Variants in NAA25 observed in about 807,000 individuals in gnomAD.
NAA25 encodes N-alpha-acetyltransferase 25, NatB auxiliary subunit.
In NAA25, 30 loss-of-function variants were observed where a neutral mutation model predicts 132.5. That is an observed-to-expected ratio of 0.23 (90% CI 0.17 to 0.31). The LOEUF (loss-of-function observed/expected upper bound fraction) is 0.31. NAA25 is among the 10% of genes least tolerant of loss of function. The probability of loss-of-function intolerance (pLI) is 1.00; values close to 1 mark genes in which losing one functional copy is unlikely to be tolerated. For missense variants in NAA25, 771 were observed against 1,150.4 expected (o/e 0.67, Z 4.77); for synonymous variants, 359 against 401.9 (o/e 0.89, Z 1.28).
intron 7 of NAA25, among the ~76,000 whole-genome samples, chr12:112,076,429 T>C (rs1358342234): frequency 6.6e-6 from 1 of 152,096 alleles, no homozygotes; most frequent in Non-Finnish European, 1.5e-5. Flanking sequence ...ATTTAGTCCA[T>C]AGACAAGCTG....
At chr12:112,090,650 C>T in intron 3 of NAA25, 76 bp downstream of exon 3, 1 of 1,471,656 alleles carries the variant, frequency 6.8e-7, no homozygotes, top group Non-Finnish European at 9.3e-7. Flanking sequence ...AGTGAGAAAT[C>T]AGACAAGGGC....
At chr12:112,068,247 A>G (rs1023075000) in intron 11 of NAA25, among the ~76,000 whole-genome samples, 2 of 152,078 alleles carry the variant, frequency 1.3e-5, no homozygotes, top group Admixed American at 6.6e-5. Flanking sequence ...AAGATGGAAA[A>G]CATAATAGCT....
rs1397478682 is a variant in NAA25 at position 112,075,711 on chromosome 12, C to T, written c.743G>A (p.Cys248Tyr). The T allele has an allele frequency of 1.2e-6, 2 of 1,613,908 alleles. No individual in the cohort carries two copies. Among genetic ancestry groups the T allele is most frequent in the Non-Finnish European group, 1.7e-6 (2 of 1,179,854 alleles). The change falls in exon 8 of 24, where the codon TGC becomes TAC. Residue 248 changes from cysteine (C) to tyrosine (Y), a missense_variant. Coordinates refer to ENST00000261745, the MANE Select transcript of NAA25 (RefSeq NM_024953.4). ...MYKKLSRWPE[C>Y]NALSRRLLLK... ...TAAGAGGCGCCGGGAAAGGGCATTG[C>T]ACTCTGGCCACCTGCTCAGCTTCTT...
chr12:112,081,038 C>T (rs2078966857), intron 5 of NAA25, 22 bp downstream of exon 5: 1 of 1,582,818 alleles, frequency 6.3e-7, no homozygotes, highest in Non-Finnish European at 8.7e-7. Flanking sequence ...AACCTCAATC[C>T]CATTCTGAAT....
intron 4 of NAA25, among the ~76,000 whole-genome samples, chr12:112,087,104 C>A (rs890479472): frequency 6.6e-6 from 1 of 151,914 alleles, no homozygotes; most frequent in Non-Finnish European, 1.5e-5. Flanking sequence ...TAGCTTTACC[C>A]GCAACCTAAT....
chr12:112,068,743 T>C (rs10459143), intron 11 of NAA25, 137 bp downstream of exon 11: 1 of 551,192 alleles, frequency 1.8e-6, no homozygotes, highest in East Asian at 2.9e-5. Context: ...CATAGAGTAC[T>C]TAGCTTGACA....
chr12:112,059,179 T>G (rs1269588135), intron 13 of NAA25, among the ~76,000 whole-genome samples: 1 of 137,356 alleles, frequency 7.3e-6, no homozygotes, highest in African/African-American at 2.7e-5. Flanking sequence ...GGCTAAGGCA[T>G]GAGAATCGCT....
rs1309960494 is a variant in NAA25, at chr12:112,028,675, A to AT, written c.*855dup. ...ATATATGACTCACAAAACCAATGAA[A>AT]TAAGTATCATACTTGCCTGCATAAA... On this transcript the variant is annotated 3_prime_UTR_variant, in exon 24 of 24. Coordinates refer to ENST00000261745, the MANE Select transcript of NAA25 (RefSeq NM_024953.4). 6.6e-6 allele frequency: 1 copy of AT among 152,108 alleles called. No homozygotes were observed. The highest frequency in any genetic ancestry group is 1.5e-5 in the Non-Finnish European group (1 of 68,030). The allele number at this position is 152,108 out of a possible 1,614,324, so 9.4% of individuals were successfully genotyped here.
intron 22 of NAA25, 65 bp downstream of exon 22, chr12:112,039,164 G>A: frequency 9.9e-7 from 1 of 1,010,382 alleles, no homozygotes; most frequent in Non-Finnish European, 1.5e-6. Context: ...GAGGAAAACA[G>A]TGAAAAGAAA....
chr12:112,040,674 T>C, intron 20 of NAA25, 96 bp from the exon 21 acceptor site: 1 of 679,368 alleles, frequency 1.5e-6, no homozygotes. Flanking sequence ...AATAAAAATT[T>C]AATTTAGAAA....
At chr12:112,088,690 G>A (rs979244629) in intron 3 of NAA25, among the ~76,000 whole-genome samples, 7 of 150,160 alleles carry the variant, frequency 4.7e-5, no homozygotes, top group African/African-American at 1.2e-4. Context: ...GTGCGATCTC[G>A]GCTCACTGAA....
intron 17 of NAA25, among the ~76,000 whole-genome samples, chr12:112,044,612 G>A (rs1169022104): frequency 6.6e-6 from 1 of 152,036 alleles, no homozygotes; most frequent in Non-Finnish European, 1.5e-5. Flanking sequence ...GGAGCTTGCA[G>A]TGAGCCAAGA....
intron 3 of NAA25, 115 bp from the exon 4 acceptor site, chr12:112,087,916 G>C (rs2079077594): frequency 1.5e-6 from 1 of 679,042 alleles, no homozygotes; most frequent in Non-Finnish European, 2.5e-6. Flanking sequence ...AGAAGTATCT[G>C]CTTTGCCTCA....
chr12:112,069,890 G>T (rs1439675767), intron 10 of NAA25, among the ~76,000 whole-genome samples: 1 of 152,012 alleles, frequency 6.6e-6, no homozygotes, highest in Non-Finnish European at 1.5e-5. Context: ...CACTTCGGGA[G>T]GCCAAGGTAG....
chr12:112,077,428 G>A (rs975335920), intron 7 of NAA25, among the ~76,000 whole-genome samples: 5 of 150,442 alleles, frequency 3.3e-5, no homozygotes, highest in South Asian at 4.2e-4. Context: ...AGCCGAGATC[G>A]CACCACTGCA....
At chr12:112,101,729 C>T (rs1593843101) in intron 1 of NAA25, among the ~76,000 whole-genome samples, 1 of 151,564 alleles carries the variant, frequency 6.6e-6, no homozygotes, top group East Asian at 2.0e-4. Context: ...TGCACTCCAG[C>T]CCAGGTGACA....
rs543551152 is a variant in NAA25 at position 112,049,522 on chromosome 12, G to A, written c.1729-1079C>T. The A allele has an allele frequency of 3.4e-4, 331 of 985,834 alleles. No individual in the cohort carries two copies. The highest frequency in any genetic ancestry group is 3.9e-4 in the Non-Finnish European group (326 of 829,946). The allele number at this position is 985,834 out of a possible 1,614,324, so 61.1% of individuals were successfully genotyped here. On this transcript the variant is annotated intron_variant, in intron 15 of 23. Transcript: ENST00000261745. This position sits in a 1 kb window ranked among gnomAD's most constrained non-coding sequence, Gnocchi z 4.7. ...CCTTGCAGGGTTCATTTCAGGCCGC[G>A]GGATTGCGCCACGGGCGCTAATTCA...
Position 112,087,197 on chromosome 12 carries a change from CCAAAAAA to C in NAA25, c.402+479_402+485del, listed in dbSNP as rs551903324. On this transcript the variant is annotated intron_variant, in intron 4 of 23. Coordinates refer to ENST00000261745, the MANE Select transcript of NAA25 (RefSeq NM_024953.4). ...TAGCTGCCAAATAAGCTGCCTCAAA[CCAAAAAA>C]CAAAAAACAAAAAATAAATTTAAAA... 6.1e-3 allele frequency among the ~76,000 whole-genome samples: 934 copies of C among 151,924 alleles called. 10 individuals carry two copies. The highest frequency in any genetic ancestry group is 0.021 in the African/African-American group (877 of 41,432).
At position 112,072,469 on chromosome 12, in the gene NAA25, C is replaced by T. The variant is rs144395601; in HGVS notation, c.867-405G>A. Among the ~76,000 whole-genome samples, 743 of 151,764 alleles carry T rather than the reference C, an allele frequency of 4.9e-3. 9 individuals are homozygous for T. The highest frequency in any genetic ancestry group is 0.017 in the African/African-American group (702 of 41,358). On this transcript the variant is annotated intron_variant, in intron 9 of 23. Transcript: ENST00000261745. ...CTAAAAGTATAAAAAACTAGTCGGG[C>T]GTGGTGGCATGCACCTGTAGTCCCA...
Sources: gnomAD v4.1 joint callset for allele counts (sites outside exome capture counted in the v4.1 genomes callset) on GRCh38, gnomAD v4.1.1 for gene constraint, Gnocchi (gnomAD v3.1) non-coding constraint, MANE v1.5 for transcripts, NCBI Gene and HGNC (gene_info 2026-07-23, HGNC 2026-07-21) for gene names.